LPP: variants seen among roughly 807,000 people sequenced by gnomAD.
The protein encoded by LPP is lipoma-preferred partner.
Under a neutral mutation model 60.4 loss-of-function variants are expected in LPP, and 38 were observed. The observed-to-expected ratio is 0.63, with a 90% CI of 0.49 to 0.83. LPP has a LOEUF of 0.83. LPP is among the 40% of genes least tolerant of loss of function. The pLI is 0.00. For synonymous variants in LPP, 328 were observed against 290.8 expected (o/e 1.13, Z -1.30); for missense variants, 902 against 783.6 (o/e 1.15, Z -1.80).
At chr3:188,524,562 C>A in intron 5 of LPP, 103 bp from the exon 6 acceptor site, 1 of 1,193,416 alleles carries the variant, frequency 8.4e-7, no homozygotes, top group East Asian at 2.6e-5. Flanking sequence ...AAAAGAGGTG[C>A]AGAAAAACTT....
In LPP at chr3:188,572,496, G is replaced by A. The variant is rs181387431; in HGVS notation, c.430-36665G>A. On this transcript the variant is annotated intron_variant, in intron 6 of 11. Coordinates refer to ENST00000617246, the MANE Select transcript of LPP (RefSeq NM_001375462.1). This position sits in a 1 kb window ranked among gnomAD's most constrained non-coding sequence, Gnocchi z 4.1. ...AGGGTCCTAAGGCTTTTTAATGTGA[G>A]CAGAGTGCAATGAAAGAATATTTTG... is the stretch of plus-strand genomic sequence containing the variant. 1.3e-5 allele frequency among the ~76,000 whole-genome samples: 2 copies of A among 152,156 alleles called. No homozygotes were observed. The highest frequency in any genetic ancestry group is 1.9e-4 in the East Asian group (1 of 5,158).
At position 188,609,732 on chromosome 3, in the gene LPP, C is replaced by T; in HGVS notation, c.1001C>T (p.Pro334Leu). The T allele has an allele frequency of 6.2e-7, 1 of 1,614,140 alleles. No homozygotes were observed. Among genetic ancestry groups the T allele is most frequent in the South Asian group, 1.1e-5 (1 of 91,090 alleles). ...TGGAAACGGGAACCAGGGTACACTC[C>T]TCCTGGAGCAGGGAACCAGAACCCT... is the stretch of plus-strand genomic sequence containing the variant. ...NTWKREPGYT[P>L]PGAGNQNPPG... Residue 334 changes from proline (P) to leucine (L), a missense_variant, in exon 7 of 12, where the codon CCT (proline) becomes CTT (leucine). Physicochemically the swap from Pro to Leu is moderately conservative, Grantham distance 98. Coordinates refer to ENST00000617246, the MANE Select transcript of LPP (RefSeq NM_001375462.1). The surrounding 1 kb of genome is among the most constrained non-coding windows in gnomAD (Gnocchi z 6.9).
intron 8 of LPP, among the ~76,000 whole-genome samples, chr3:188,746,255 T>A (rs1726158425): frequency 6.6e-6 from 1 of 152,170 alleles, no homozygotes; most frequent in Non-Finnish European, 1.5e-5. Flanking sequence ...TCTAGTCCCT[T>A]AATCATTTGT....
intron 2 of LPP, among the ~76,000 whole-genome samples, chr3:188,287,343 T>C (rs1261900637): frequency 6.6e-6 from 1 of 152,198 alleles, no homozygotes; most frequent in Non-Finnish European, 1.5e-5. Context: ...CATAGAGACA[T>C]AAACAGTGGG....
chr3:188,608,176 C>G (rs962853542), intron 6 of LPP, among the ~76,000 whole-genome samples: 2 of 152,178 alleles, frequency 1.3e-5, no homozygotes, highest in Admixed American at 6.5e-5. Flanking sequence ...TCTGCCTTCT[C>G]TCTTGGAGCA....
intron 2 of LPP, among the ~76,000 whole-genome samples, chr3:188,305,366 T>TA (rs969061366): frequency 1.3e-5 from 2 of 152,066 alleles, no homozygotes; most frequent in Non-Finnish European, 2.9e-5. Context: ...GATTGGGACA[T>TA]AAAAAAGTAA....
At chr3:188,538,232 A>G (rs1049960491) in intron 6 of LPP, among the ~76,000 whole-genome samples, 1 of 152,222 alleles carries the variant, frequency 6.6e-6, no homozygotes, top group Non-Finnish European at 1.5e-5. Flanking sequence ...GAATTAACCA[A>G]ATTTGTGCTT....
chr3:188,584,105 G>A (rs1836880048), intron 6 of LPP, among the ~76,000 whole-genome samples: 2 of 152,124 alleles, frequency 1.3e-5, no homozygotes, highest in Non-Finnish European at 2.9e-5. Flanking sequence ...ACAGCAAGCT[G>A]ATTTTTAACA....
At chr3:188,578,926 G>A (rs1377365082) in intron 6 of LPP, among the ~76,000 whole-genome samples, 3 of 152,022 alleles carry the variant, frequency 2.0e-5, no homozygotes, top group African/African-American at 7.2e-5. Flanking sequence ...GTTATAAATG[G>A]TCATTCCTAA....
chr3:188,790,003 C>T (rs1743176781), intron 9 of LPP, among the ~76,000 whole-genome samples: 1 of 151,974 alleles, frequency 6.6e-6, no homozygotes, highest in Non-Finnish European at 1.5e-5. Flanking sequence ...AAATTTAGCA[C>T]TATCTTTCAA....
intron 7 of LPP, among the ~76,000 whole-genome samples, chr3:188,670,392 A>G (rs1262713839): frequency 1.3e-5 from 2 of 152,086 alleles, no homozygotes; most frequent in Non-Finnish European, 2.9e-5. Flanking sequence ...GCCAATGGTC[A>G]CATAGATGTC....
chr3:188,281,203 G>C (rs1202713634), intron 2 of LPP, among the ~76,000 whole-genome samples: 1 of 152,096 alleles, frequency 6.6e-6, no homozygotes, highest in Non-Finnish European at 1.5e-5. Flanking sequence ...TTTGAATTTA[G>C]TAAAGCACAT....
intron 7 of LPP, among the ~76,000 whole-genome samples, chr3:188,682,698 T>C (rs1859795353): frequency 6.6e-6 from 1 of 152,224 alleles, no homozygotes; most frequent in East Asian, 1.9e-4. Context: ...TGCAAATTAC[T>C]AAGTTGTACT....
rs562970107 is a variant in LPP at position 188,886,719 on chromosome 3, A to AACACACACACAC, written c.*12246_*12257dup. 3.4e-5 allele frequency: 5 copies of AACACACACACAC among 148,142 alleles called. No homozygotes were observed. The highest frequency in any genetic ancestry group is 1.6e-4 in the African/African-American group (4 of 25,136). The allele number at this position is 148,142 out of a possible 1,614,324, so 9.2% of individuals were successfully genotyped here. On this transcript the variant is annotated 3_prime_UTR_variant, in exon 12 of 12. Transcript: ENST00000617246. Reference sequence around the variant, plus strand: ...GATCATACAATTGTATTGTCTTCAAAACACACACACACACACATACACACA... The same window carrying AACACACACACAC: ...GATCATACAATTGTATTGTCTTCAAAACACACACACACACACACACACACACACATACACACA...
At chr3:188,424,480 A>T (rs1788751636) in intron 4 of LPP, among the ~76,000 whole-genome samples, 1 of 152,018 alleles carries the variant, frequency 6.6e-6, no homozygotes, top group Non-Finnish European at 1.5e-5. Flanking sequence ...AGTTTTTTCT[A>T]CTTCTGTGAA....
intron 8 of LPP, among the ~76,000 whole-genome samples, chr3:188,738,034 T>A (rs1383226881): frequency 6.6e-6 from 1 of 152,182 alleles, no homozygotes; most frequent in Non-Finnish European, 1.5e-5. Flanking sequence ...ATACATCCCC[T>A]TTCTCTCTTC....
chr3:188,679,894 G>A (rs1166909935), intron 7 of LPP, among the ~76,000 whole-genome samples: 2 of 151,980 alleles, frequency 1.3e-5, no homozygotes, highest in African/African-American at 4.8e-5. Flanking sequence ...ATCCCCCCAG[G>A]CTGTCAGCGG....
intron 2 of LPP, among the ~76,000 whole-genome samples, chr3:188,240,563 A>G (rs574304526): frequency 6.6e-6 from 1 of 152,182 alleles, no homozygotes; most frequent in East Asian, 1.9e-4. Flanking sequence ...TGAGAGCTTT[A>G]TTCAAACTCA....
intron 2 of LPP, among the ~76,000 whole-genome samples, chr3:188,326,105 A>G (rs766666708): frequency 2.0e-5 from 3 of 152,144 alleles, no homozygotes; most frequent in African/African-American, 2.4e-5. Context: ...TCATCTGACC[A>G]TTTGGGGAGA....
Sources: allele counts gnomAD v4.1 joint callset (sites outside exome capture counted in the v4.1 genomes callset), GRCh38; gene constraint gnomAD v4.1.1; non-coding constraint Gnocchi (gnomAD v3.1); transcripts MANE v1.5; gene names NCBI Gene and HGNC (gene_info 2026-07-23, HGNC 2026-07-21).